FEM1C: variants seen among roughly 807,000 people sequenced by gnomAD.
FEM1C encodes protein fem-1 homolog C.
A neutral mutation model predicts 37.6 loss-of-function variants in FEM1C; 15 were observed. The observed-to-expected ratio is 0.40, with a 90% CI of 0.27 to 0.61. The LOEUF (loss-of-function observed/expected upper bound fraction) is 0.61, where lower values mean the gene tolerates loss of function less well. Among genes scored for constraint, FEM1C ranks in the 20% least tolerant of loss-of-function variants. The probability of loss-of-function intolerance (pLI) is 0.42; values close to 1 mark genes in which losing one functional copy is unlikely to be tolerated. For synonymous variants in FEM1C, 287 were observed against 272.8 expected (o/e 1.05, Z -0.51); for missense variants, 532 against 749.7 (o/e 0.71, Z 3.39).
intron 2 of FEM1C, among the ~76,000 whole-genome samples, chr5:115,541,034 C>T (rs1754230803): frequency 6.6e-6 from 1 of 151,974 alleles, no homozygotes; most frequent in Non-Finnish European, 1.5e-5. Context: ...TCTACCAAGC[C>T]ACCTCTAAAG....
Position 115,524,872 on chromosome 5 carries a change from C to A in FEM1C, c.1290G>T (p.Gln430His). Residue 430 changes from glutamine to histidine, a missense_variant, in exon 3 of 3, where the codon CAG (glutamine) becomes CAT (histidine). By Grantham distance (24) the Gln-to-His change is conservative. Around this residue, in one of 3 missense-constraint regions of FEM1C, gnomAD observed 237 missense variants for 260.5 expected, o/e 0.91. Transcript: ENST00000274457. Reference sequence around the variant, plus strand: ...TTAACTGTAATGGGTCAGCTGGACACTGAGTTTGTTTGATAGCTCGCTCTA... The same window carrying A: ...TTAACTGTAATGGGTCAGCTGGACAATGAGTTTGTTTGATAGCTCGCTCTA... ...LEIERAIKQT[Q>H]CPADPLQLNK... is the part of the protein sequence containing the mutation. 6.2e-7 allele frequency: 1 copy of A among 1,613,624 alleles called. No individual in the cohort carries two copies. Among genetic ancestry groups the A allele is most frequent in the Non-Finnish European group, 8.5e-7 (1 of 1,179,782 alleles).
chr5:115,535,284 T>TTA (rs1754101337), intron 2 of FEM1C, among the ~76,000 whole-genome samples: 1 of 140,034 alleles, frequency 7.1e-6, no homozygotes, highest in African/African-American at 2.6e-5. Context: ...TCAAAAAAGT[T>TTA]AAAAAAAAAA....
Position 115,543,542 on chromosome 5 carries a change from TCCAG to T in FEM1C, c.-53_-50del, listed in dbSNP as rs780592221. On this transcript the variant is annotated 5_prime_UTR_variant, in exon 2 of 3. Transcript: ENST00000274457. The stretch of plus-strand genomic sequence containing the variant: ...CTTTATTTATCTTTCAAAGCAGAGC[TCCAG>T]TTTAACTCTATCGACACAGGCAAGA... The T allele has an allele frequency of 5.2e-6, 8 of 1,538,086 alleles. No homozygotes were observed. In the African/African-American group the frequency reaches 8.3e-5, roughly 16 times the overall value.
In FEM1C at chr5:115,524,688, T is replaced by C; in HGVS notation, c.1474A>G (p.Lys492Glu). The change falls in exon 3 of 3, where the codon AAG becomes GAG. Residue 492 changes from lysine (K) to glutamate (E), a missense_variant. Coordinates refer to ENST00000274457, the MANE Select transcript of FEM1C (RefSeq NM_020177.3). ...TACCGCCCTACACATGTAGTATTCT[T>C]GTCCACAGCCAGATGAAGAGGGCTG... ...NFSPLHLAVDKNTTCVGRYPV... is the reference protein window; with the variant it reads ...NFSPLHLAVDENTTCVGRYPV... 1 of 1,546,246 alleles carries C rather than the reference T, an allele frequency of 6.5e-7. No individual in the cohort carries two copies. Among genetic ancestry groups the C allele is most frequent in the Non-Finnish European group, 8.7e-7 (1 of 1,151,040 alleles).
In FEM1C at chr5:115,524,985, T is replaced by C. The variant is rs1258952402; in HGVS notation, c.1177A>G (p.Met393Val). The C allele has an allele frequency of 6.2e-7, 1 of 1,613,680 alleles. No individual in the cohort carries two copies. Among genetic ancestry groups the C allele is most frequent in the Admixed American group, 1.7e-5 (1 of 59,904 alleles). The change falls in exon 3 of 3, where the codon ATG becomes GTG. Residue 393 changes from methionine to valine, a missense_variant. This residue lies in a region of FEM1C where 221 missense variants were observed against 404.1 expected (regional missense o/e 0.55). Transcript: ENST00000274457. ...LLSFAELFSF[M>V]LQDRAKGLLG... is the part of the protein sequence containing the mutation. ...AGGCCTTTAGCCCTATCCTGTAGCA[T>C]AAAGGAGAATAGTTCTGCAAAAGAT...
rs1175898660 is a variant in FEM1C, at chr5:115,525,097, T to C, written c.1065A>G (p.Lys355=). The change falls in exon 3 of 3, where the codon AAA becomes AAG. Residue 355 remains lysine (K), a synonymous_variant. Coordinates refer to ENST00000274457, the MANE Select transcript of FEM1C (RefSeq NM_020177.3). ...CATACTTCCATAGGTTGATGCATCG[T>C]TTGAAATTTCCAGAGTCTGCATAGA... is the stretch of plus-strand genomic sequence containing the variant. ...GAVYADSGNF[K]RCINLWKYAL... is the part of the protein sequence containing the mutation. 6.2e-7 allele frequency: 1 copy of C among 1,613,822 alleles called. No individual in the cohort carries two copies. The highest frequency in any genetic ancestry group is 1.1e-5 in the South Asian group (1 of 91,072).
At chr5:115,537,006 A>T (rs1561559852) in intron 2 of FEM1C, among the ~76,000 whole-genome samples, 1 of 152,146 alleles carries the variant, frequency 6.6e-6, no homozygotes, top group Middle Eastern at 3.4e-3. Context: ...AAACTCATCT[A>T]ATGACAGAAA....
intron 2 of FEM1C, among the ~76,000 whole-genome samples, chr5:115,531,136 A>G (rs1196884095): frequency 6.6e-6 from 1 of 152,132 alleles, no homozygotes; most frequent in East Asian, 1.9e-4. Flanking sequence ...CTGTCTCCCA[A>G]CTGCCAATTC....
At chr5:115,535,489 A>G (rs1237571955) in intron 2 of FEM1C, among the ~76,000 whole-genome samples, 1 of 152,008 alleles carries the variant, frequency 6.6e-6, no homozygotes, top group South Asian at 2.1e-4. Flanking sequence ...AATTAAGTAC[A>G]TGAAAAAATG....
In FEM1C at chr5:115,543,302, G is replaced by A. The variant is rs1754279651; in HGVS notation, c.192C>T (p.Cys64=). The A allele has an allele frequency of 6.2e-7, 1 of 1,614,226 alleles. No individual in the cohort carries two copies. Among genetic ancestry groups the A allele is most frequent in the South Asian group, 1.1e-5 (1 of 91,090 alleles). Residue 64 remains cysteine, a synonymous_variant, in exon 2 of 3, where the codon TGC becomes TGT. Transcript: ENST00000274457. ...LDMVEFLLEQ[C]SASIEVGGSV... ...AGCCCCCAACTTCTATGGAGGCACT[G>A]CATTGCTCTAGGAGGAATTCCACCA...
At chr5:115,544,234 A>C (rs1580387862) in intron 1 of FEM1C, 2 of 953,608 alleles carry the variant, frequency 2.1e-6, no homozygotes, top group Non-Finnish European at 2.5e-6. Context: ...TTAGTCATTA[A>C]CTTCGCCCGC....
chr5:115,543,953 TAACCAGCCAAGC>T, intron 1 of FEM1C: 27 of 985,388 alleles, frequency 2.7e-5, no homozygotes, highest in Non-Finnish European at 3.1e-5. Flanking sequence ...CCTCCAGCTC[TAACCAGCCAAGC>T]TTTGTTCTAG....
rs183562953 is a variant in FEM1C at position 115,536,315 on chromosome 5, G to C, written c.544+6635C>G. Among the ~76,000 whole-genome samples, 54 of 152,058 alleles carry C rather than the reference G, an allele frequency of 3.6e-4. 1 individual carries two copies. Among genetic ancestry groups the C allele is most frequent in the Middle Eastern group, 3.4e-3 (1 of 294 alleles). ...TTGACTGATAGAAGCAGCAATTAGAGGGTCTTTTATTATAATACATTTATT... is the reference window on the plus strand; with the variant it reads ...TTGACTGATAGAAGCAGCAATTAGACGGTCTTTTATTATAATACATTTATT... On this transcript the variant is annotated intron_variant, in intron 2 of 2. Transcript: ENST00000274457.
At chr5:115,533,281 G>T (rs1313686973) in intron 2 of FEM1C, among the ~76,000 whole-genome samples, 1 of 151,804 alleles carries the variant, frequency 6.6e-6, no homozygotes, top group Non-Finnish European at 1.5e-5. Context: ...TTTATGCCAT[G>T]TCTATGTTTC....
In FEM1C at chr5:115,540,211, G is replaced by GA. The variant is rs755272956; in HGVS notation, c.544+2738dup. 3.0e-4 allele frequency among the ~76,000 whole-genome samples: 46 copies of GA among 151,908 alleles called. 1 individual carries two copies. Among genetic ancestry groups the GA allele is most frequent in the Non-Finnish European group, 6.0e-4 (41 of 67,894 alleles). On this transcript the variant is annotated intron_variant, in intron 2 of 2. Transcript: ENST00000274457. ...CTGCTTTTGTTACCATTAACCCATA[G>GA]AAAAAAATCCAGAACCAATGAGAGA...
intron 2 of FEM1C, among the ~76,000 whole-genome samples, chr5:115,528,001 G>GA (rs58897289): frequency 0.56 from 49,170 of 87,300 alleles, 12,166 homozygotes; most frequent in East Asian, 0.62. Flanking sequence ...CTTCGTCTCA[G>GA]AAAAAAAAAA....
At position 115,543,113 on chromosome 5, in the gene FEM1C, G is replaced by A. The variant is rs1016958546; in HGVS notation, c.381C>T (p.Gly127=). 4.3e-6 allele frequency: 7 copies of A among 1,614,026 alleles called. No homozygotes were observed. Among genetic ancestry groups the A allele is most frequent in the Non-Finnish European group, 5.1e-6 (6 of 1,180,046 alleles). Residue 127 remains glycine, a synonymous_variant, in exon 2 of 3, where the codon GGC becomes GGT. Transcript: ENST00000274457. ...CAAGGTACTTCACTATTTCCAAATG[G>A]CCATCGAAACACGCAGCTCGAAGAG... The part of the protein sequence containing the change: ...STPLRAACFD[G]HLEIVKYLVE...
chr5:115,528,620 T>C (rs542660448), intron 2 of FEM1C, among the ~76,000 whole-genome samples: 1 of 152,240 alleles, frequency 6.6e-6, no homozygotes, highest in Admixed American at 6.5e-5. Context: ...GAAGCAAATA[T>C]AAATACTATT....
chr5:115,530,759 T>C (rs185097843), intron 2 of FEM1C, among the ~76,000 whole-genome samples: 13 of 152,286 alleles, frequency 8.5e-5, no homozygotes, highest in African/African-American at 3.1e-4. Flanking sequence ...AATACTCACT[T>C]GCTTCGTCGG....
Sources: allele counts gnomAD v4.1 joint callset (sites outside exome capture counted in the v4.1 genomes callset), GRCh38; gene constraint gnomAD v4.1.1; regional missense constraint gnomAD v4.1.1; transcripts MANE v1.5; gene names NCBI Gene and HGNC (gene_info 2026-07-23, HGNC 2026-07-21).